IL4I1: variants seen among roughly 807,000 people sequenced by gnomAD.
IL4I1 encodes the protein L-amino-acid oxidase.
A neutral mutation model predicts 29.7 loss-of-function variants in IL4I1; 24 were observed. That is an observed-to-expected ratio of 0.81 (90% CI 0.59 to 1.14). The LOEUF is 1.14. Among genes scored for constraint, IL4I1 ranks in the 50% most tolerant of loss-of-function variants. The pLI, the probability that IL4I1 is intolerant of heterozygous loss-of-function variation, is 0.00. For missense variants in IL4I1, 686 were observed against 785.6 expected (o/e 0.87, Z 1.52); for synonymous variants, 371 against 352.5 (o/e 1.05, Z -0.59).
rs1471288386 is a variant in IL4I1 at position 49,890,114 on chromosome 19, G to C, written c.1260C>G (p.Leu420=). 1 of 1,543,686 alleles carries C rather than the reference G, an allele frequency of 6.5e-7. No individual in the cohort carries two copies. The highest frequency in any genetic ancestry group is 1.4e-5 in the African/African-American group (1 of 72,984). ...LSREEALRLA[L]DDVAALHGPV... Reference sequence around the variant, plus strand: ...GCCCGTGCAATGCCGCCACGTCGTCGAGCGCCAAGCGCAACGCCTCTTCCC... The same window carrying C: ...GCCCGTGCAATGCCGCCACGTCGTCCAGCGCCAAGCGCAACGCCTCTTCCC... Residue 420 remains leucine, a synonymous_variant, in exon 8 of 8, where the codon CTC becomes CTG. Transcript: ENST00000391826.
chr19:49,923,210 C>T (rs771323828), intron 2 of IL4I1, among the ~76,000 whole-genome samples: 5 of 152,212 alleles, frequency 3.3e-5, no homozygotes, highest in African/African-American at 4.8e-5. Context: ...CATCCTCTCC[C>T]CAACTGAGCT....
chr19:49,918,022 AAAAC>A (rs150266099), intron 2 of IL4I1, among the ~76,000 whole-genome samples: 11,446 of 152,016 alleles, frequency 0.075, 570 homozygotes, highest in African/African-American at 0.14. Context: ...ACAGACACAC[AAAAC>A]AAACAAACAA....
intron 2 of IL4I1, among the ~76,000 whole-genome samples, chr19:49,922,351 C>T (rs2075785867): frequency 6.6e-6 from 1 of 152,144 alleles, no homozygotes; most frequent in African/African-American, 2.4e-5. Context: ...AATAAGACAC[C>T]AGCCCCACTT....
At chr19:49,892,579 G>A (rs1172109359) in intron 5 of IL4I1, among the ~76,000 whole-genome samples, 1 of 152,214 alleles carries the variant, frequency 6.6e-6, no homozygotes, top group Non-Finnish European at 1.5e-5. Flanking sequence ...TTCCCTGCCT[G>A]TCTTTGCGTG....
chr19:49,916,613 A>T (rs888372964), intron 2 of IL4I1, among the ~76,000 whole-genome samples: 3 of 152,038 alleles, frequency 2.0e-5, no homozygotes, highest in Admixed American at 6.6e-5. Context: ...TACAAAAAAA[A>T]ATTAGCCAGG....
Position 49,890,947 on chromosome 19 carries a change from CTGCCCG to C in IL4I1, c.773+18_773+23del. ...CCTGATTGCCCCCCGCCCCCCCCCC[CTGCCCG>C]CCAGCCCCGCCCCTTACTGGAGTCT... is the stretch of plus-strand genomic sequence containing the variant. On this transcript the variant is annotated intron_variant, in intron 7 of 7. Transcript: ENST00000391826. 1.6e-6 allele frequency: 1 copy of C among 618,566 alleles called. No individual in the cohort carries two copies. The highest frequency in any genetic ancestry group is 2.2e-6 in the Non-Finnish European group (1 of 461,558). 38.3% of individuals were successfully genotyped at this position (618,566 alleles called of 1,614,324 possible).
chr19:49,908,238 C>T (rs2075366601), intron 2 of IL4I1: 2 of 1,612,942 alleles, frequency 1.2e-6, no homozygotes, highest in Non-Finnish European at 1.7e-6. Flanking sequence ...GCTGCTGTCG[C>T]TCAGTCAAAG....
chr19:49,909,143 A>C, intron 2 of IL4I1: 1 of 1,612,940 alleles, frequency 6.2e-7, no homozygotes, highest in Non-Finnish European at 8.5e-7. Flanking sequence ...TATTGACGCA[A>C]AGAGGCTGGG....
At chr19:49,896,492 TG>T (rs965619750) in intron 1 of IL4I1, among the ~76,000 whole-genome samples, 10 of 151,864 alleles carry the variant, frequency 6.6e-5, no homozygotes, top group Admixed American at 6.6e-4. Context: ...TGGAGTGCAG[TG>T]GTAAGATCTT....
chr19:49,898,450 C>A (rs1260874818), upstream of IL4I1, among the ~76,000 whole-genome samples: 1 of 152,214 alleles, frequency 6.6e-6, no homozygotes, highest in East Asian at 1.9e-4. Context: ...ACCAGCCTGG[C>A]CAAGATGGCG....
intron 2 of IL4I1, chr19:49,911,193 A>G (rs1156870405): frequency 6.6e-6 from 1 of 152,270 alleles, no homozygotes; most frequent in African/African-American, 2.4e-5. Flanking sequence ...TGAGCCCTAA[A>G]GATGATCAGC....
intron 2 of IL4I1, among the ~76,000 whole-genome samples, chr19:49,913,365 G>A (rs946895900): frequency 1.3e-4 from 20 of 152,176 alleles, no homozygotes; most frequent in African/African-American, 3.4e-4. Flanking sequence ...AGATAAGAGC[G>A]CCTTTGTTTA....
chr19:49,907,600 G>A (rs2122583983), intron 2 of IL4I1: 2 of 401,668 alleles, frequency 5.0e-6, no homozygotes, highest in Non-Finnish European at 9.4e-6. Flanking sequence ...GCAGTGGTGT[G>A]ATCTTGGTTC....
At chr19:49,922,171 T>A (rs779650492) in intron 2 of IL4I1, among the ~76,000 whole-genome samples, 2 of 152,190 alleles carry the variant, frequency 1.3e-5, no homozygotes, top group African/African-American at 2.4e-5. Context: ...CTAGGTCAAA[T>A]AGATGCGAGT....
At chr19:49,924,080 C>A (rs931464697) in intron 2 of IL4I1, among the ~76,000 whole-genome samples, 1 of 152,198 alleles carries the variant, frequency 6.6e-6, no homozygotes, top group Non-Finnish European at 1.5e-5. Context: ...TAGCGTCTGG[C>A]AACTGTGAGC....
rs112195133 is a variant in IL4I1, at chr19:49,925,464, AT to A, written c.-228+2229del. Among the ~76,000 whole-genome samples the A allele has an allele frequency of 1.6e-3, 220 of 141,320 alleles. 3 individuals are homozygous for A. The highest frequency in any genetic ancestry group is 2.4e-3 in the Admixed American group (34 of 14,122). 92.7% of individuals were successfully genotyped at this position (141,320 alleles called of 152,430 possible). A position where few individuals can be genotyped will look rare whatever the true frequency, so the allele number is the denominator to read the frequency against. ...TAAAAAAAGCCAAAAAAAAAAAAAA[AT>A]AGCATCCTACCTGGCCATCCTCTCA... On this transcript the variant is annotated intron_variant, in intron 2 of 9. Transcript: ENST00000341114.
upstream of IL4I1, among the ~76,000 whole-genome samples, chr19:49,900,260 C>G (rs1443985036): frequency 1.3e-5 from 2 of 152,140 alleles, no homozygotes; most frequent in Non-Finnish European, 2.9e-5. Context: ...CCAGGTGCCC[C>G]CAGTGAAGAG....
intron 2 of IL4I1, among the ~76,000 whole-genome samples, chr19:49,912,375 G>A (rs952874354): frequency 4.6e-5 from 7 of 152,082 alleles, no homozygotes; most frequent in Non-Finnish European, 8.8e-5. Flanking sequence ...CTCCATGTTG[G>A]CCAGGCTGGT....
chr19:49,923,980 C>T (rs1215920864), intron 2 of IL4I1, among the ~76,000 whole-genome samples: 8 of 152,382 alleles, frequency 5.2e-5, no homozygotes, highest in African/African-American at 1.9e-4. Context: ...CCTTTTCCAT[C>T]ATGCCAGGAG....
Sources: allele counts gnomAD v4.1 joint callset (sites outside exome capture counted in the v4.1 genomes callset), GRCh38; gene constraint gnomAD v4.1.1; transcripts MANE v1.5; gene names NCBI Gene and HGNC (gene_info 2026-07-23, HGNC 2026-07-21).